Variants in PTGER3 observed in about 807,000 individuals in gnomAD.
PTGER3 encodes the protein prostaglandin E receptor 3.
Under a neutral mutation model 34.7 loss-of-function variants are expected in PTGER3, and 22 were observed. The ratio of observed to expected loss-of-function variants is 0.63; its 90% CI spans 0.45 to 0.91. PTGER3 has a LOEUF of 0.91. PTGER3 is among the 40% of genes least tolerant of loss of function. PTGER3 has a pLI of 0.00. For synonymous variants in PTGER3, 241 were observed against 230.1 expected, an observed-to-expected ratio of 1.05 and a Z score of -0.43; for missense variants, 468 against 519.4, an observed-to-expected ratio of 0.90 and a Z score of 0.96.
At chr1:70,944,062 A>G (rs1285266226) in intron 4 of PTGER3, among the ~76,000 whole-genome samples, 1 of 152,148 alleles carries the variant, frequency 6.6e-6, no homozygotes, top group African/African-American at 2.4e-5. Context: ...TAGTTGACAT[A>G]TGTAATTTTT....
chr1:70,901,249 G>A (rs1276133868), intron 4 of PTGER3, among the ~76,000 whole-genome samples: 2 of 152,106 alleles, frequency 1.3e-5, no homozygotes, highest in African/African-American at 4.8e-5. Context: ...AATCTAAGCT[G>A]TCCCTAAATT....
At chr1:70,953,509 C>T (rs1650984462) in intron 3 of PTGER3, among the ~76,000 whole-genome samples, 1 of 152,078 alleles carries the variant, frequency 6.6e-6, no homozygotes, top group Non-Finnish European at 1.5e-5. Flanking sequence ...CAGCTGATCC[C>T]CAACAGACAT....
intron 2 of PTGER3, among the ~76,000 whole-genome samples, chr1:70,956,252 A>C (rs959834826): frequency 1.3e-5 from 2 of 152,198 alleles, no homozygotes; most frequent in African/African-American, 4.8e-5. Flanking sequence ...CATTTTAAGA[A>C]AATGATTTGT....
intron 1 of PTGER3, among the ~76,000 whole-genome samples, chr1:71,028,876 T>G (rs1231014179): frequency 6.6e-6 from 1 of 152,204 alleles, no homozygotes; most frequent in Non-Finnish European, 1.5e-5. Flanking sequence ...CACTATTATC[T>G]TAAATACTAA....
intron 1 of PTGER3, among the ~76,000 whole-genome samples, chr1:71,025,582 G>C (rs1572965131): frequency 6.6e-6 from 1 of 152,200 alleles, no homozygotes; most frequent in East Asian, 1.9e-4. Context: ...GCTTATAGAA[G>C]TTTTGCCCAA....
Position 71,047,706 on chromosome 1 carries a change from CGCAGCCGCCGCCCTACTCCGCTGCTG to C in PTGER3, c.-155_-130del. On this transcript the variant is annotated 5_prime_UTR_variant, in exon 1 of 4. Coordinates refer to ENST00000306666, the MANE Select transcript of PTGER3 (RefSeq NM_198719.2). ...CTGGGCTGCCCCCCATGGTGCGGGG[CGCAGCCGCCGCCCTACTCCGCTGCTG>C]GGACCGCGGCCGCGGCGGCGCCAGG... 1 of 1,079,914 alleles carries C rather than the reference CGCAGCCGCCGCCCTACTCCGCTGCTG, an allele frequency of 9.3e-7. No homozygotes were observed. Among genetic ancestry groups the C allele is most frequent in the South Asian group, 2.1e-5 (1 of 46,984 alleles). 66.9% of individuals were successfully genotyped at this position (1,079,914 alleles called of 1,614,324 possible).
intron 2 of PTGER3, chr1:71,009,345 C>T (rs1391472504): frequency 1.0e-6 from 1 of 975,824 alleles, no homozygotes. Flanking sequence ...TATATGTATA[C>T]CCTATATTTC....
intron 4 of PTGER3, among the ~76,000 whole-genome samples, chr1:70,921,365 G>T (rs761995285): frequency 2.0e-5 from 3 of 152,086 alleles, no homozygotes; most frequent in Non-Finnish European, 4.4e-5. Context: ...TCCCCATCTT[G>T]CCTCAGGCAA....
Position 70,979,426 on chromosome 1 carries a change from AT to A in PTGER3, c.1078-5039del, listed in dbSNP as rs560194342. Among the ~76,000 whole-genome samples, 277 of 152,234 alleles carry A rather than the reference AT, an allele frequency of 1.8e-3. 4 individuals carry two copies. Among genetic ancestry groups the A allele is most frequent in the African/African-American group, 6.2e-3 (258 of 41,540 alleles). ...GTAAAAAGATTGCTTTCATAAAAAAATTAATTGTTATTCTGTACAGAGAATA... is the reference window on the plus strand; with the variant it reads ...GTAAAAAGATTGCTTTCATAAAAAAATAATTGTTATTCTGTACAGAGAATA... On this transcript the variant is annotated intron_variant, in intron 2 of 3. Coordinates refer to ENST00000306666, the MANE Select transcript of PTGER3 (RefSeq NM_198719.2).
chr1:70,869,139 A>T (rs1270969520), intron 4 of PTGER3: 1 of 364,606 alleles, frequency 2.7e-6, no homozygotes, highest in African/African-American at 2.1e-5. Context: ...GCAAAACAGA[A>T]GGCACTTCAT....
At chr1:71,035,099 G>C (rs747885968) in intron 1 of PTGER3, among the ~76,000 whole-genome samples, 28 of 152,218 alleles carry the variant, frequency 1.8e-4, no homozygotes, top group Middle Eastern at 3.4e-3. Flanking sequence ...AACAAAGCTG[G>C]AACAATTTCA....
intron 2 of PTGER3, chr1:71,011,866 T>C: frequency 1.9e-6 from 2 of 1,035,108 alleles, no homozygotes; most frequent in Non-Finnish European, 2.3e-6. Flanking sequence ...ATGATGTATG[T>C]GGTTAAATTC....
intron 4 of PTGER3, among the ~76,000 whole-genome samples, chr1:70,934,860 T>C (rs1443136966): frequency 6.6e-6 from 1 of 151,920 alleles, no homozygotes; most frequent in Non-Finnish European, 1.5e-5. Context: ...CAAAAAACAG[T>C]TGGCCAAGTT....
At chr1:71,020,808 C>T (rs1240341822) in intron 1 of PTGER3, among the ~76,000 whole-genome samples, 1 of 151,450 alleles carries the variant, frequency 6.6e-6, no homozygotes, top group Non-Finnish European at 1.5e-5. Context: ...TAAAGAACTT[C>T]CATAAGTCTG....
At chr1:70,870,794 C>T (rs1225992118) in intron 4 of PTGER3, among the ~76,000 whole-genome samples, 2 of 152,134 alleles carry the variant, frequency 1.3e-5, no homozygotes, top group Non-Finnish European at 2.9e-5. Context: ...GCTCCAGGTC[C>T]CAATAATTCC....
intron 4 of PTGER3, among the ~76,000 whole-genome samples, chr1:70,889,625 T>C (rs1646574201): frequency 6.6e-6 from 1 of 152,156 alleles, no homozygotes; most frequent in Non-Finnish European, 1.5e-5. Context: ...AGAATCATGA[T>C]GACAATTGGA....
chr1:71,007,867 A>T (rs924883203), intron 2 of PTGER3: 1 of 985,210 alleles, frequency 1.0e-6, no homozygotes, highest in Admixed American at 6.2e-5. Context: ...ACAAATGATA[A>T]TAACTTGAGA....
chr1:70,893,372 C>T (rs904135414), intron 4 of PTGER3, among the ~76,000 whole-genome samples: 10 of 152,150 alleles, frequency 6.6e-5, no homozygotes, highest in South Asian at 2.1e-4. Flanking sequence ...CACAGGACAC[C>T]GCCTCTTGTT....
intron 4 of PTGER3, among the ~76,000 whole-genome samples, chr1:70,927,404 C>T (rs150388148): frequency 6.6e-6 from 1 of 152,062 alleles, no homozygotes; most frequent in Admixed American, 6.6e-5. Context: ...TTTTAATTTT[C>T]TAGCTTGAAC....
Sources: gnomAD v4.1 joint callset for allele counts (sites outside exome capture counted in the v4.1 genomes callset) on GRCh38, gnomAD v4.1.1 for gene constraint, MANE v1.5 for transcripts, NCBI Gene and HGNC (gene_info 2026-07-23, HGNC 2026-07-21) for gene names.